The following ISY1 variants were observed in gnomAD, a reference collection of about 807,000 sequenced individuals.
ISY1 encodes the protein pre-mRNA-splicing factor ISY1 homolog.
ISY1 carries 12 observed loss-of-function variants against 54.4 expected under a neutral mutation model. The observed-to-expected ratio is 0.22, with a 90% CI of 0.14 to 0.36. The LOEUF is 0.36. ISY1 is among the 10% of genes least tolerant of loss of function. ISY1 has a pLI of 1.00. For synonymous variants in ISY1, 96 were observed against 117.9 expected, an observed-to-expected ratio of 0.81 and a Z score of 1.20; for missense variants, 282 against 342.2, an observed-to-expected ratio of 0.82 and a Z score of 1.39.
chr3:129,157,902 T>C (rs1937192163), intron 3 of ISY1, among the ~76,000 whole-genome samples: 1 of 151,922 alleles, frequency 6.6e-6, no homozygotes, highest in Admixed American at 6.6e-5. Flanking sequence ...TTGAAGTCTG[T>C]TGACCTGGAG....
chr3:129,159,287 T>C (rs1369441110), intron 1 of ISY1, 111 bp from the exon 2 acceptor site: 40 of 1,384,938 alleles, frequency 2.9e-5, no homozygotes, highest in Non-Finnish European at 3.7e-5. Flanking sequence ...AGCAAACCAC[T>C]TGAAGTACTA....
rs146098169 is a variant in ISY1, at chr3:129,139,789, T to C, written c.418+579A>G. On this transcript the variant is annotated intron_variant, in intron 7 of 10. Coordinates refer to ENST00000393295, the MANE Select transcript of ISY1 (RefSeq NM_020701.4). ...TCCTGAGTAGCTGGGAGTACAGGCA[T>C]GCACCACCATGCCCAGCTAATTTTG... Among the ~76,000 whole-genome samples, 256 of 152,256 alleles carry C rather than the reference T, an allele frequency of 1.7e-3. 2 individuals carry two copies. Among genetic ancestry groups the C allele is most frequent in the African/African-American group, 6.0e-3 (248 of 41,548 alleles).
At chr3:129,151,049 G>A (rs532021100) in intron 5 of ISY1, among the ~76,000 whole-genome samples, 27 of 151,250 alleles carry the variant, frequency 1.8e-4, no homozygotes, top group African/African-American at 6.1e-4. Context: ...TTGAACCTGG[G>A]AGGCAGAGGT....
At chr3:129,152,412 T>G (rs576548806) in intron 5 of ISY1, among the ~76,000 whole-genome samples, 1 of 151,526 alleles carries the variant, frequency 6.6e-6, no homozygotes, top group South Asian at 2.1e-4. Context: ...TAGGTTTTGT[T>G]TTTTTTTTTG....
intron 5 of ISY1, among the ~76,000 whole-genome samples, chr3:129,150,468 T>C (rs1936931332): frequency 6.6e-6 from 1 of 152,110 alleles, no homozygotes; most frequent in Non-Finnish European, 1.5e-5. Flanking sequence ...TCCCAGCACT[T>C]TGGGAGGCCA....
chr3:129,130,272 G>A (rs1015631379), intron 10 of ISY1, 84 bp from the exon 11 acceptor site: 1 of 1,490,780 alleles, frequency 6.7e-7, no homozygotes, highest in Non-Finnish European at 8.9e-7. Context: ...AGTCCCCGTG[G>A]GAGAAGTCCA....
At chr3:129,155,673 T>G (rs1322085350) in intron 5 of ISY1, among the ~76,000 whole-genome samples, 1 of 152,184 alleles carries the variant, frequency 6.6e-6, no homozygotes, top group Non-Finnish European at 1.5e-5. Context: ...TAGGAATTTT[T>G]CAGATATGAA....
At chr3:129,145,499 A>G (rs1209289662) in intron 6 of ISY1, among the ~76,000 whole-genome samples, 1 of 152,170 alleles carries the variant, frequency 6.6e-6, no homozygotes, top group African/African-American at 2.4e-5. Flanking sequence ...CTGGGATTAT[A>G]GGAGTGAGCT....
intron 7 of ISY1, among the ~76,000 whole-genome samples, chr3:129,135,176 G>A (rs1362595383): frequency 2.0e-5 from 3 of 151,944 alleles, no homozygotes; most frequent in African/African-American, 2.4e-5. Flanking sequence ...GTGAAACCTC[G>A]TCTCTACTAA....
At chr3:129,157,716 C>CAAAAAAAAA (rs1265760940) in intron 3 of ISY1, among the ~76,000 whole-genome samples, 1 of 44,514 alleles carries the variant, frequency 2.2e-5, no homozygotes, top group Non-Finnish European at 4.1e-5. Flanking sequence ...GCGTCCATCT[C>CAAAAAAAAA]AAAAAAAAAA....
chr3:129,139,370 T>C (rs1936536791), intron 7 of ISY1, among the ~76,000 whole-genome samples: 1 of 152,352 alleles, frequency 6.6e-6, no homozygotes, highest in Admixed American at 6.5e-5. Context: ...TAAGCAGCAT[T>C]TAATAAAAAT....
At chr3:129,134,015 C>A in intron 9 of ISY1, 59 bp downstream of exon 9, 1 of 1,605,152 alleles carries the variant, frequency 6.2e-7, no homozygotes, top group South Asian at 1.1e-5. Flanking sequence ...TTCCTCCCTG[C>A]CACACTTCAT....
In ISY1 at chr3:129,156,693, TACA is replaced by T; in HGVS notation, c.145-21_145-19del. ...CCAATGATCTATTAAAAAAAAGTAA[TACA>T]TTTTAATAATTTTTGAATATGTTAG... On this transcript the variant is annotated intron_variant, in intron 4 of 10. Coordinates refer to ENST00000393295, the MANE Select transcript of ISY1 (RefSeq NM_020701.4). The T allele has an allele frequency of 6.3e-7, 1 of 1,589,498 alleles. No homozygotes were observed.
chr3:129,150,734 T>C (rs1936942886), intron 5 of ISY1, among the ~76,000 whole-genome samples: 1 of 152,036 alleles, frequency 6.6e-6, no homozygotes, highest in Non-Finnish European at 1.5e-5. Flanking sequence ...ATTAAAAAGA[T>C]TTATACCTAA....
chr3:129,135,539 G>GC (rs1936368082), intron 7 of ISY1, among the ~76,000 whole-genome samples: 1 of 152,044 alleles, frequency 6.6e-6, no homozygotes, highest in East Asian at 1.9e-4. Context: ...GCCGAGGCGG[G>GC]AGAATCACGA....
At chr3:129,137,206 TA>T in intron 7 of ISY1, 1 of 981,390 alleles carries the variant, frequency 1.0e-6, no homozygotes, top group Non-Finnish European at 1.2e-6. Flanking sequence ...CCTAAAAAAA[TA>T]AAAAAATTTT....
At chr3:129,137,990 A>G (rs970740570) in intron 7 of ISY1, among the ~76,000 whole-genome samples, 2 of 149,364 alleles carry the variant, frequency 1.3e-5, no homozygotes, top group Non-Finnish European at 3.0e-5. Flanking sequence ...AAAAATACAA[A>G]TTAGTACTGG....
At chr3:129,159,972 A>T (rs933223147) in intron 1 of ISY1, among the ~76,000 whole-genome samples, 2 of 152,200 alleles carry the variant, frequency 1.3e-5, no homozygotes, top group African/African-American at 2.4e-5. Flanking sequence ...TGCTTGGTAG[A>T]TAGGCAAACA....
At chr3:129,130,262 A>T in intron 10 of ISY1, 74 bp from the exon 11 acceptor site, 2 of 1,508,672 alleles carry the variant, frequency 1.3e-6, no homozygotes, top group South Asian at 2.7e-5. Flanking sequence ...GCCAGGAGGA[A>T]GTCCCCGTGG....
Sources: allele counts gnomAD v4.1 joint callset (sites outside exome capture counted in the v4.1 genomes callset), GRCh38; gene constraint gnomAD v4.1.1; transcripts MANE v1.5; gene names NCBI Gene and HGNC (gene_info 2026-07-23, HGNC 2026-07-21).